Variants in MAP2K2 observed in about 807,000 individuals in gnomAD.
The protein encoded by MAP2K2 is mitogen-activated protein kinase kinase 2.
A neutral mutation model predicts 43.7 loss-of-function variants in MAP2K2; 24 were observed. The observed-to-expected ratio is 0.55, with a 90% CI of 0.40 to 0.77. The LOEUF (loss-of-function observed/expected upper bound fraction) is 0.77. MAP2K2 is among the 30% of genes least tolerant of loss of function. The probability of loss-of-function intolerance (pLI) is 0.00; values close to 1 mark genes in which losing one functional copy is unlikely to be tolerated. For synonymous variants in MAP2K2, 244 were observed against 239.7 expected, an observed-to-expected ratio of 1.02 and a Z score of -0.17; for missense variants, 470 against 566.8, an observed-to-expected ratio of 0.83 and a Z score of 1.73.
At chr19:4,118,150 C>T (rs985861539) in intron 1 of MAP2K2, among the ~76,000 whole-genome samples, 3 of 152,140 alleles carry the variant, frequency 2.0e-5, no homozygotes, top group Non-Finnish European at 4.4e-5. Context: ...GTTGGTCAGG[C>T]TGGTCTCCAA....
In MAP2K2 at chr19:4,099,196, C is replaced by T. The variant is rs540315377; in HGVS notation, c.919+5G>A. Reference sequence around the variant, plus strand: ...CAGACCGGAAGTTGCAGATTCAGGCCGTACCGCTGACGGGGCGCCCGGGGG... The same window carrying T: ...CAGACCGGAAGTTGCAGATTCAGGCTGTACCGCTGACGGGGCGCCCGGGGG... On this transcript the variant is annotated splice_donor_5th_base_variant and intron_variant, in intron 7 of 10. Coordinates refer to ENST00000262948, the MANE Select transcript of MAP2K2 (RefSeq NM_030662.4). The T allele has an allele frequency of 5.0e-6, 8 of 1,596,966 alleles. No individual in the cohort carries two copies. Among genetic ancestry groups the T allele is most frequent in the South Asian group, 3.4e-5 (3 of 89,192 alleles).
At chr19:4,114,067 A>T (rs1302439378) in intron 2 of MAP2K2, among the ~76,000 whole-genome samples, 5 of 152,252 alleles carry the variant, frequency 3.3e-5, no homozygotes, top group Non-Finnish European at 7.4e-5. Flanking sequence ...CTGAGGCGGG[A>T]GGATCGCTTC....
At chr19:4,099,528 A>G (rs545913754) in intron 6 of MAP2K2, 114 bp from the exon 7 acceptor site, 1 of 833,890 alleles carries the variant, frequency 1.2e-6, no homozygotes, top group African/African-American at 1.7e-5. Flanking sequence ...TGACCGCAGC[A>G]ATGGATAGAG....
In MAP2K2 at chr19:4,123,677, C is replaced by T. The variant is rs3826911; in HGVS notation, c.92+107G>A. On this transcript the variant is annotated intron_variant, in intron 1 of 10. Coordinates refer to ENST00000262948, the MANE Select transcript of MAP2K2 (RefSeq NM_030662.4). The stretch of plus-strand genomic sequence containing the variant: ...CTCACCCCGTCCTCCCCCGTGACCC[C>T]CCTGCCTCGTGCACTCCTCGCGAAC... 2,589 of 782,260 alleles carry T rather than the reference C, an allele frequency of 3.3e-3. 56 individuals are homozygous for T. Among genetic ancestry groups the T allele is most frequent in the East Asian group, 0.026 (688 of 25,994 alleles). 48.5% of individuals were successfully genotyped at this position (782,260 alleles called of 1,614,324 possible). A position where few individuals can be genotyped will look rare whatever the true frequency, so the allele number is the denominator to read the frequency against.
At chr19:4,107,382 G>A (rs1221023219) in intron 3 of MAP2K2, among the ~76,000 whole-genome samples, 1 of 151,974 alleles carries the variant, frequency 6.6e-6, no homozygotes, top group Non-Finnish European at 1.5e-5. Context: ...AAATTAGCCG[G>A]CTGTGGTGGC....
At chr19:4,116,934 GTAAAAA>G (rs891015174) in intron 2 of MAP2K2, among the ~76,000 whole-genome samples, 30 of 152,148 alleles carry the variant, frequency 2.0e-4, no homozygotes, top group Admixed American at 1.4e-3. Context: ...GTCTCAAAAA[GTAAAAA>G]TAAAAATAAA....
At chr19:4,106,648 C>T (rs1039920117) in intron 3 of MAP2K2, among the ~76,000 whole-genome samples, 18 of 152,206 alleles carry the variant, frequency 1.2e-4, no homozygotes, top group South Asian at 6.2e-4. Context: ...CCTCGTGATC[C>T]GCCTGCCTTG....
In MAP2K2 at chr19:4,123,802, G is replaced by T. The variant is rs2145089782; in HGVS notation, c.74C>A (p.Thr25Asn). The part of the protein sequence containing the change: ...NPTIAEGPSP[T>N]SEGASEANLV... ...CACTCACTCGGAGGCGCCCTCGCTG[G>T]TAGGGGATGGGCCCTCGGCGATGGT... Residue 25 changes from threonine to asparagine, a missense_variant, in exon 1 of 11, where the codon ACC (threonine) becomes AAC (asparagine). Physicochemically the swap from Thr to Asn is moderately conservative, Grantham distance 65 (BLOSUM62 0). Coordinates refer to ENST00000262948, the MANE Select transcript of MAP2K2 (RefSeq NM_030662.4). 1.3e-6 allele frequency: 2 copies of T among 1,564,960 alleles called. No individual in the cohort carries two copies. The highest frequency in any genetic ancestry group is 1.2e-5 in the South Asian group (1 of 84,908).
intron 9 of MAP2K2, 106 bp from the exon 10 acceptor site, chr19:4,094,604 CTGGAT>C: frequency 1.9e-6 from 2 of 1,063,124 alleles, no homozygotes; most frequent in Non-Finnish European, 2.8e-6. Context: ...CGGAGGGGGC[CTGGAT>C]CTCTCCGACC....
At chr19:4,102,778 G>A (rs1233502106) in intron 3 of MAP2K2, 53 of 1,262,890 alleles carry the variant, frequency 4.2e-5, no homozygotes, top group South Asian at 7.7e-5. Context: ...GCGGCCGGGG[G>A]CTCAGGCAGC....
chr19:4,094,380 A>C, intron 10 of MAP2K2, 73 bp downstream of exon 10: 1 of 1,487,406 alleles, frequency 6.7e-7, no homozygotes, highest in African/African-American at 1.4e-5. Flanking sequence ...GGCCAGGCCC[A>C]GCAGCCTTAT....
intron 9 of MAP2K2, chr19:4,094,705 G>A (rs2040890825): frequency 3.4e-6 from 2 of 593,458 alleles, no homozygotes; most frequent in South Asian, 2.0e-5. Flanking sequence ...GCCAGGGGCA[G>A]GACACCCCCC....
intron 7 of MAP2K2, among the ~76,000 whole-genome samples, chr19:4,098,126 C>T (rs2040947384): frequency 6.6e-6 from 1 of 152,118 alleles, no homozygotes; most frequent in South Asian, 2.1e-4. Context: ...TTCAAAAGGA[C>T]CCAGGCTCTG....
At chr19:4,097,429 A>C in intron 7 of MAP2K2, 86 bp from the exon 8 acceptor site, 1 of 997,794 alleles carries the variant, frequency 1.0e-6, no homozygotes, top group Admixed American at 1.8e-5. Context: ...GCTGATCACC[A>C]CCAGGCGCCC....
rs141594062 is a variant in MAP2K2 at position 4,100,592 on chromosome 19, G to A, written c.705+427C>T. The A allele has an allele frequency of 8.6e-5, 18 of 209,350 alleles. No homozygotes were observed. The East Asian group carries it at 2.2e-3, about 26-fold the overall frequency. 13.0% of individuals were successfully genotyped at this position (209,350 alleles called of 1,614,324 possible). A position where few individuals can be genotyped will look rare whatever the true frequency, so the allele number is the denominator to read the frequency against. ...GCACTTTGGGAGGCTGAGGAAAGAA[G>A]GTCACTTGAGTCCAGGAGTTCATGA... On this transcript the variant is annotated intron_variant, in intron 6 of 10. Transcript: ENST00000262948.
At chr19:4,091,905 TC>T (rs1281294089) in intron 10 of MAP2K2, among the ~76,000 whole-genome samples, 1 of 152,138 alleles carries the variant, frequency 6.6e-6, no homozygotes, top group Non-Finnish European at 1.5e-5. Context: ...CACCTCGGCC[TC>T]CCAAAGTACC....
chr19:4,110,545 G>A lies in MAP2K2; in HGVS notation c.414C>T (p.Tyr138=), dbSNP rs2145069734. The A allele has an allele frequency of 6.2e-7, 1 of 1,613,952 alleles. No individual in the cohort carries two copies. The highest frequency in any genetic ancestry group is 2.2e-5 in the East Asian group (1 of 44,882). ...PYIVGFYGAF[Y]SDGEISICME... ...TGCAAATGCTGATCTCCCCGTCACT[G>A]TAGAAGGCCCCGTAGAAGCCCACGA... The change falls in exon 3 of 11, where the codon TAC becomes TAT. Residue 138 remains tyrosine, a synonymous_variant. Coordinates refer to ENST00000262948, the MANE Select transcript of MAP2K2 (RefSeq NM_030662.4).
At chr19:4,104,661 CCTTCCGT>C (rs1171133898) in intron 3 of MAP2K2, 4 of 152,396 alleles carry the variant, frequency 2.6e-5, no homozygotes, top group Admixed American at 6.5e-5. Context: ...CAGCACAGCT[CCTTCCGT>C]CTTCGTTTCT....
chr19:4,120,529 T>A (rs1308144454), intron 1 of MAP2K2, among the ~76,000 whole-genome samples: 1 of 152,122 alleles, frequency 6.6e-6, no homozygotes, highest in African/African-American at 2.4e-5. Flanking sequence ...GTTGGCCAGG[T>A]TGGTCTTGAA....
Sources: allele counts gnomAD v4.1 joint callset (sites outside exome capture counted in the v4.1 genomes callset), GRCh38; gene constraint gnomAD v4.1.1; transcripts MANE v1.5; gene names NCBI Gene and HGNC (gene_info 2026-07-23, HGNC 2026-07-21).